The following ST6GALNAC3 variants were observed in gnomAD, a reference collection of about 807,000 sequenced individuals.
The protein encoded by ST6GALNAC3 is ST6 N-acetylgalactosaminide alpha-2,6-sialyltransferase 3, also known as alpha-N-acetylgalactosaminide alpha-2,6-sialyltransferase 3.
A neutral mutation model predicts 32.7 loss-of-function variants in ST6GALNAC3; 25 were observed. The ratio of observed to expected loss-of-function variants is 0.76; its 90% CI spans 0.56 to 1.07. ST6GALNAC3 has a LOEUF of 1.07. Among genes scored for constraint, ST6GALNAC3 ranks in the 50% least tolerant of loss-of-function variants. The pLI is 0.00. For synonymous variants in ST6GALNAC3, 129 were observed against 133.1 expected (o/e 0.97, Z 0.21); for missense variants, 355 against 382.4 (o/e 0.93, Z 0.60).
At chr1:76,441,956 C>G (rs1656640375) in intron 3 of ST6GALNAC3, among the ~76,000 whole-genome samples, 1 of 152,170 alleles carries the variant, frequency 6.6e-6, no homozygotes, top group South Asian at 2.1e-4. Context: ...AGTAGAAGGT[C>G]TCTCATGCAG....
rs1263806870 is a variant in ST6GALNAC3 at position 76,568,820 on chromosome 1, A to G, written c.624-58632A>G. ...CATCCTGGGTGTGAGTGGAAATGCT[A>G]GTTGCATTCATGTCAGCACTAGACA... On this transcript the variant is annotated intron_variant, in intron 3 of 4. Coordinates refer to ENST00000328299, the MANE Select transcript of ST6GALNAC3 (RefSeq NM_152996.4). 2.6e-5 allele frequency among the ~76,000 whole-genome samples: 4 copies of G among 152,214 alleles called. No homozygotes were observed. The East Asian group carries it at 7.7e-4, about 29-fold the overall frequency.
intron 3 of ST6GALNAC3, among the ~76,000 whole-genome samples, chr1:76,458,804 C>T (rs564836101): frequency 1.1e-4 from 17 of 151,540 alleles, no homozygotes; most frequent in Admixed American, 9.2e-4. Context: ...TTAGTGAGTG[C>T]AGCGCACCAA....
At chr1:76,594,979 T>A (rs763178110) in intron 3 of ST6GALNAC3, among the ~76,000 whole-genome samples, 7 of 152,168 alleles carry the variant, frequency 4.6e-5, no homozygotes, top group Non-Finnish European at 8.8e-5. Context: ...CATTACATTA[T>A]TATTAACCAA....
chr1:76,503,776 G>T (rs993289114), intron 3 of ST6GALNAC3, among the ~76,000 whole-genome samples: 1 of 152,146 alleles, frequency 6.6e-6, no homozygotes, highest in Non-Finnish European at 1.5e-5. Context: ...GAATAATCTG[G>T]AAAGTCTTTA....
intron 2 of ST6GALNAC3, among the ~76,000 whole-genome samples, chr1:76,399,912 C>T (rs190478882): frequency 6.6e-5 from 10 of 152,090 alleles, no homozygotes; most frequent in African/African-American, 2.4e-4. Flanking sequence ...TGATTTGTAT[C>T]TAGCAATCCT....
At chr1:76,196,785 T>C (rs1470904195) in intron 1 of ST6GALNAC3, among the ~76,000 whole-genome samples, 1 of 151,988 alleles carries the variant, frequency 6.6e-6, no homozygotes, top group Non-Finnish European at 1.5e-5. Context: ...TTTTAAAGAG[T>C]GTAAAGGGAT....
intron 1 of ST6GALNAC3, among the ~76,000 whole-genome samples, chr1:76,195,759 A>G (rs1198535293): frequency 1.3e-5 from 2 of 152,002 alleles, no homozygotes; most frequent in African/African-American, 2.4e-5. Context: ...AACATCCCCT[A>G]CTCCCCAACA....
At chr1:76,573,182 C>T (rs371741608) in intron 3 of ST6GALNAC3, among the ~76,000 whole-genome samples, 3 of 152,140 alleles carry the variant, frequency 2.0e-5, no homozygotes, top group South Asian at 2.1e-4. Context: ...GCATGCAAGG[C>T]GACTGCTGAT....
At chr1:76,464,029 T>G (rs978505839) in intron 3 of ST6GALNAC3, among the ~76,000 whole-genome samples, 9 of 152,144 alleles carry the variant, frequency 5.9e-5, no homozygotes, top group African/African-American at 2.2e-4. Flanking sequence ...TTCTAGTGAC[T>G]GCTCCCTCCC....
chr1:76,313,475 A>C (rs1043330112), intron 1 of ST6GALNAC3, among the ~76,000 whole-genome samples: 2 of 152,086 alleles, frequency 1.3e-5, no homozygotes, highest in Non-Finnish European at 2.9e-5. Context: ...GAGGGGATTG[A>C]GCAATTAGAA....
chr1:76,363,408 C>T (rs773833173), intron 2 of ST6GALNAC3, among the ~76,000 whole-genome samples: 1 of 152,178 alleles, frequency 6.6e-6, no homozygotes, highest in Non-Finnish European at 1.5e-5. Context: ...CCTTCTTGGC[C>T]TGGACTTCAT....
intron 1 of ST6GALNAC3, among the ~76,000 whole-genome samples, chr1:76,091,628 AAT>A (rs2100749968): frequency 6.6e-6 from 1 of 152,352 alleles, no homozygotes. Flanking sequence ...ATAAGATGAT[AAT>A]ATCACATTTT....
chr1:76,414,441 G>A (rs1312064386), intron 3 of ST6GALNAC3, among the ~76,000 whole-genome samples: 1 of 152,014 alleles, frequency 6.6e-6, no homozygotes, highest in Non-Finnish European at 1.5e-5. Flanking sequence ...ATAAAATGTT[G>A]ATCAAAATGA....
intron 1 of ST6GALNAC3, among the ~76,000 whole-genome samples, chr1:76,198,097 G>T (rs1159916566): frequency 6.6e-6 from 1 of 152,120 alleles, no homozygotes; most frequent in African/African-American, 2.4e-5. Context: ...GAGTGCACTG[G>T]CACAATCAGG....
intron 1 of ST6GALNAC3, among the ~76,000 whole-genome samples, chr1:76,180,078 C>G (rs1307008402): frequency 6.6e-6 from 1 of 152,200 alleles, no homozygotes; most frequent in Non-Finnish European, 1.5e-5. Context: ...CTAACAAATA[C>G]TTTAATCCAA....
intron 3 of ST6GALNAC3, among the ~76,000 whole-genome samples, chr1:76,610,490 C>T (rs977120765): frequency 6.6e-5 from 10 of 152,122 alleles, no homozygotes; most frequent in African/African-American, 2.4e-4. Flanking sequence ...AACCAAACTT[C>T]TCCATGAGTA....
chr1:76,554,604 AG>A (rs1664816102), intron 3 of ST6GALNAC3, among the ~76,000 whole-genome samples: 1 of 152,186 alleles, frequency 6.6e-6, no homozygotes, highest in East Asian at 1.9e-4. Context: ...TGTGTGGTGG[AG>A]GGGGTAGAAA....
At chr1:76,490,787 C>T (rs1275916861) in intron 3 of ST6GALNAC3, among the ~76,000 whole-genome samples, 6 of 152,064 alleles carry the variant, frequency 3.9e-5, no homozygotes, top group African/African-American at 1.4e-4. Flanking sequence ...GTTACACCTA[C>T]TCCCCGTCTT....
At chr1:76,395,021 G>T (rs966865669) in intron 2 of ST6GALNAC3, among the ~76,000 whole-genome samples, 5 of 152,150 alleles carry the variant, frequency 3.3e-5, no homozygotes, top group Non-Finnish European at 7.4e-5. Context: ...CAATTGGTCT[G>T]GTTTGACTTA....
Sources: allele counts gnomAD v4.1 joint callset (sites outside exome capture counted in the v4.1 genomes callset), GRCh38; gene constraint gnomAD v4.1.1; transcripts MANE v1.5; gene names NCBI Gene and HGNC (gene_info 2026-07-23, HGNC 2026-07-21).